Variants in PTPN9 observed in about 807,000 individuals in gnomAD.
PTPN9 encodes protein tyrosine phosphatase non-receptor type 9, also known as tyrosine-protein phosphatase non-receptor type 9.
PTPN9 carries 26 observed loss-of-function variants against 69.8 expected under a neutral mutation model. That is an observed-to-expected ratio of 0.37 (90% CI 0.27 to 0.52). The LOEUF (loss-of-function observed/expected upper bound fraction) is 0.52, where lower values mean the gene tolerates loss of function less well. Ranked by LOEUF, PTPN9 falls within the 20% of genes least tolerant of loss-of-function variation. The pLI is 0.91. For synonymous variants in PTPN9, 274 were observed against 272.5 expected, an observed-to-expected ratio of 1.01 and a Z score of -0.05; for missense variants, 549 against 740.3, an observed-to-expected ratio of 0.74 and a Z score of 3.00.
rs983305830 is a variant in PTPN9 at position 75,463,338 on chromosome 15, T to C, written c.*5431A>G. 6.6e-5 allele frequency: 10 copies of C among 152,174 alleles called. No homozygotes were observed. Among genetic ancestry groups the C allele is most frequent in the African/African-American group, 2.4e-4 (10 of 41,446 alleles). The allele number at this position is 152,174 out of a possible 1,614,324, so 9.4% of individuals were successfully genotyped here. A position where few individuals can be genotyped will look rare whatever the true frequency, so the allele number is the denominator to read the frequency against. On this transcript the variant is annotated 3_prime_UTR_variant, in exon 13 of 13. Transcript: ENST00000618819. ...GTCAAGAAAGAGCCCCCAGATGAAA[T>C]GGCTGACCTTTACTCAGGTGCACAT...
intron 1 of PTPN9, among the ~76,000 whole-genome samples, chr15:75,554,760 T>C (rs1240635361): frequency 2.6e-5 from 4 of 152,074 alleles, no homozygotes; most frequent in African/African-American, 9.7e-5. Context: ...AAGAATGAAG[T>C]CTTAAATAGC....
At chr15:75,479,088 C>T (rs574523128) in intron 9 of PTPN9, among the ~76,000 whole-genome samples, 1 of 152,324 alleles carries the variant, frequency 6.6e-6, no homozygotes, top group South Asian at 2.1e-4. Context: ...GCGGGCAGAT[C>T]ACGAGGTCAG....
rs538533033 is a variant in PTPN9 at position 75,493,358 on chromosome 15, C to T, written c.969-3057G>A. 2.6e-5 allele frequency among the ~76,000 whole-genome samples: 4 copies of T among 151,858 alleles called. 1 individual carries two copies. In the South Asian group the frequency reaches 8.3e-4, roughly 32 times the overall value. ...GAAAAAGGAACAGAGAAGAAAAGCTCTTGGAAATTAAAAATAATATCCAAA... is the reference window on the plus strand; with the variant it reads ...GAAAAAGGAACAGAGAAGAAAAGCTTTTGGAAATTAAAAATAATATCCAAA... On this transcript the variant is annotated intron_variant, in intron 7 of 12. Transcript: ENST00000618819.
intron 5 of PTPN9, 26 bp downstream of exon 5, chr15:75,517,233 C>T: frequency 6.5e-7 from 1 of 1,538,158 alleles, no homozygotes; most frequent in Non-Finnish European, 8.9e-7. Flanking sequence ...TTGAAGGAAA[C>T]TTGAGAGGGC....
chr15:75,530,687 T>TAATAATATATATAATATATATTATTA (rs59241994), intron 1 of PTPN9, among the ~76,000 whole-genome samples: 4 of 46,846 alleles, frequency 8.5e-5, no homozygotes, highest in Admixed American at 4.0e-4. Context: ...TATTATTATA[T>TAATAATATATATAATATATATTATTA]TATAATATAT....
chr15:75,566,337 C>T (rs2075126354), intron 1 of PTPN9, among the ~76,000 whole-genome samples: 2 of 152,128 alleles, frequency 1.3e-5, no homozygotes, highest in Admixed American at 6.6e-5. Flanking sequence ...TAATCTTAAA[C>T]GTGTAAAGAA....
intron 7 of PTPN9, among the ~76,000 whole-genome samples, chr15:75,495,450 C>G (rs559419262): frequency 3.6e-4 from 55 of 152,288 alleles, no homozygotes; most frequent in Non-Finnish European, 7.2e-4. Context: ...CGGTGGCTCA[C>G]ACCTACAATC....
chr15:75,481,162 G>A (rs2074631281), intron 8 of PTPN9, among the ~76,000 whole-genome samples: 1 of 67,176 alleles, frequency 1.5e-5, no homozygotes, highest in South Asian at 6.6e-4. Context: ...GCCCGGCCGA[G>A]ACCCCCTCTG....
chr15:75,546,287 A>G (rs1489422967), intron 1 of PTPN9, among the ~76,000 whole-genome samples: 1 of 152,126 alleles, frequency 6.6e-6, no homozygotes, highest in Non-Finnish European at 1.5e-5. Context: ...TCAATAACAG[A>G]AAATATAGAT....
At chr15:75,566,085 C>T (rs1020081525) in intron 1 of PTPN9, among the ~76,000 whole-genome samples, 2 of 151,718 alleles carry the variant, frequency 1.3e-5, no homozygotes, top group Admixed American at 6.6e-5. Flanking sequence ...TTTGTAAATA[C>T]AAGGGATTTT....
intron 1 of PTPN9, among the ~76,000 whole-genome samples, chr15:75,576,744 G>A (rs943943617): frequency 2.0e-5 from 3 of 152,018 alleles, no homozygotes; most frequent in African/African-American, 7.3e-5. Context: ...GGAGGCAGAG[G>A]TTGCAGTGAG....
At chr15:75,558,818 C>T (rs557542525) in intron 1 of PTPN9, among the ~76,000 whole-genome samples, 3 of 152,208 alleles carry the variant, frequency 2.0e-5, no homozygotes, top group Non-Finnish European at 2.9e-5. Flanking sequence ...GACGGAGTCT[C>T]GTTCACTCAG....
chr15:75,486,110 A>AC (rs1250995475), intron 8 of PTPN9, among the ~76,000 whole-genome samples: 2 of 151,658 alleles, frequency 1.3e-5, no homozygotes, highest in East Asian at 3.9e-4. Context: ...AAAAAAAAAA[A>AC]AAAAAACAAA....
intron 1 of PTPN9, among the ~76,000 whole-genome samples, chr15:75,577,279 C>T (rs1339107926): frequency 6.6e-6 from 1 of 152,200 alleles, no homozygotes; most frequent in Non-Finnish European, 1.5e-5. Flanking sequence ...AAACAGAAAT[C>T]TGACTGACCC....
chr15:75,532,563 T>G (rs914114448), intron 1 of PTPN9, among the ~76,000 whole-genome samples: 2 of 152,226 alleles, frequency 1.3e-5, no homozygotes, highest in African/African-American at 4.8e-5. Context: ...TCCCAAGAGC[T>G]GTTGCCTTGA....
intron 1 of PTPN9, among the ~76,000 whole-genome samples, chr15:75,534,501 C>A (rs2074974953): frequency 6.7e-6 from 1 of 150,240 alleles, no homozygotes. Flanking sequence ...TGGTGAGACC[C>A]CATCTCTACA....
chr15:75,547,568 A>G (rs916784172), intron 1 of PTPN9, among the ~76,000 whole-genome samples: 4 of 152,200 alleles, frequency 2.6e-5, no homozygotes, highest in African/African-American at 9.6e-5. Context: ...CGCATGATCA[A>G]ATAACTGGCT....
chr15:75,470,820 CT>C lies in PTPN9; in HGVS notation c.1218del (p.Gly407AlafsTer12). On this transcript the variant is annotated frameshift_variant, in exon 11 of 13. Coordinates refer to ENST00000618819, the MANE Select transcript of PTPN9 (RefSeq NM_002833.4). LOFTEE classifies it high-confidence loss of function. ...LVIVMTTRFE[E>X]GGRRKCGQYW... ...TACTGGCCACACTTTCTCCTGCCGCCTTCCTCAAAGCTGAAGACACACAGAG... is the reference window on the plus strand; with the variant it reads ...TACTGGCCACACTTTCTCCTGCCGCCTCCTCAAAGCTGAAGACACACAGAG... The C allele has an allele frequency of 3.1e-6, 5 of 1,614,098 alleles. No individual in the cohort carries two copies. The highest frequency in any genetic ancestry group is 4.2e-6 in the Non-Finnish European group (5 of 1,180,004).
chr15:75,569,476 G>A (rs1022318900), intron 1 of PTPN9, among the ~76,000 whole-genome samples: 10 of 151,802 alleles, frequency 6.6e-5, no homozygotes, highest in East Asian at 5.8e-4. Flanking sequence ...AGGCCGAGGC[G>A]GGCTGATCAC....
Sources: gnomAD v4.1 joint callset for allele counts (sites outside exome capture counted in the v4.1 genomes callset) on GRCh38, gnomAD v4.1.1 for gene constraint, MANE v1.5 for transcripts, NCBI Gene and HGNC (gene_info 2026-07-23, HGNC 2026-07-21) for gene names.